The following PTPRN2 variants were observed in gnomAD, a reference collection of about 807,000 sequenced individuals.
PTPRN2 encodes protein tyrosine phosphatase receptor type N2, also known as receptor-type tyrosine-protein phosphatase N2.
PTPRN2 carries 74 observed loss-of-function variants against 118.8 expected under a neutral mutation model. That is an observed-to-expected ratio of 0.62 (90% CI 0.52 to 0.76). PTPRN2 has a LOEUF of 0.76. Among genes scored for constraint, PTPRN2 ranks in the 30% least tolerant of loss-of-function variants. The pLI, the probability that PTPRN2 is intolerant of heterozygous loss-of-function variation, is 0.00. For missense variants in PTPRN2, 1,481 were observed against 1,394.4 expected, an observed-to-expected ratio of 1.06 and a Z score of -0.99; for synonymous variants, 641 against 608.0, an observed-to-expected ratio of 1.05 and a Z score of -0.80.
chr7:158,449,338 A>G (rs938494801), intron 2 of PTPRN2, among the ~76,000 whole-genome samples: 1 of 152,226 alleles, frequency 6.6e-6, no homozygotes, highest in Non-Finnish European at 1.5e-5. Flanking sequence ...GTCGGCCCAC[A>G]GGGCCCTCCC....
intron 8 of PTPRN2, among the ~76,000 whole-genome samples, chr7:158,135,546 C>T (rs1337990644): frequency 6.6e-6 from 1 of 152,126 alleles, no homozygotes; most frequent in Non-Finnish European, 1.5e-5. Flanking sequence ...CAACAGAGAA[C>T]TGAGTCAGAA....
chr7:157,838,251 G>A (rs111487302), intron 12 of PTPRN2, among the ~76,000 whole-genome samples: 1,456 of 142,098 alleles, frequency 0.01, 55 homozygotes, highest in South Asian at 0.058. Flanking sequence ...TGGATGGCAC[G>A]GGAGAAAGCT....
At chr7:158,382,607 C>T (rs1244618096) in intron 2 of PTPRN2, among the ~76,000 whole-genome samples, 2 of 152,170 alleles carry the variant, frequency 1.3e-5, no homozygotes, top group African/African-American at 4.8e-5. Flanking sequence ...GCATTCCCGC[C>T]TGAGTTCTGC....
At chr7:158,083,367 A>T (rs962142996) in intron 10 of PTPRN2, among the ~76,000 whole-genome samples, 1 of 152,204 alleles carries the variant, frequency 6.6e-6, no homozygotes, top group Non-Finnish European at 1.5e-5. Flanking sequence ...AACAACGCTG[A>T]GGACAGAGAG....
At chr7:158,394,984 C>T (rs748892225) in intron 2 of PTPRN2, among the ~76,000 whole-genome samples, 3 of 152,230 alleles carry the variant, frequency 2.0e-5, no homozygotes, top group Non-Finnish European at 4.4e-5. Context: ...GGAGGCCCTG[C>T]CCGTCCACAC....
At chr7:157,715,465 C>T (rs900292872) in intron 12 of PTPRN2, among the ~76,000 whole-genome samples, 7 of 152,188 alleles carry the variant, frequency 4.6e-5, no homozygotes, top group Admixed American at 6.5e-5. Context: ...GGGAGGCCCC[C>T]GGTTCTGCTT....
At chr7:157,884,141 G>C (rs1322864828) in intron 12 of PTPRN2, among the ~76,000 whole-genome samples, 3 of 151,618 alleles carry the variant, frequency 2.0e-5, no homozygotes, top group Non-Finnish European at 4.4e-5. Context: ...ATGACTGTCA[G>C]AGAACAGAAC....
At position 157,671,864 on chromosome 7, in the gene PTPRN2, T is replaced by C. The variant is rs1158565102; in HGVS notation, c.2001+10861A>G. Among the ~76,000 whole-genome samples, 1 of 152,114 alleles carries C rather than the reference T, an allele frequency of 6.6e-6. No homozygotes were observed. The highest frequency in any genetic ancestry group is 1.5e-5 in the Non-Finnish European group (1 of 68,016). On this transcript the variant is annotated intron_variant, in intron 13 of 22. Transcript: ENST00000389418. The surrounding 1 kb of genome is among the most constrained non-coding windows in gnomAD (Gnocchi z 4.1). Reference sequence around the variant, plus strand: ...TGGGGGCCTGCTGGGAATCCCGGTCTCAGAGGTCTCAGCTCTGACCGAAGG... The same window carrying C: ...TGGGGGCCTGCTGGGAATCCCGGTCCCAGAGGTCTCAGCTCTGACCGAAGG...
At chr7:157,616,041 G>T (rs2008341) in intron 15 of PTPRN2, 99,230 of 180,780 alleles carry the variant, frequency 0.55, 27,748 homozygotes, top group African/African-American at 0.61. Flanking sequence ...CGGGAAACAG[G>T]GCGCCCAGGA....
At chr7:157,714,314 A>G (rs1437478791) in intron 12 of PTPRN2, among the ~76,000 whole-genome samples, 2 of 152,202 alleles carry the variant, frequency 1.3e-5, no homozygotes, top group Non-Finnish European at 2.9e-5. Context: ...CGCATCTTTG[A>G]TGAGTTACTA....
At chr7:157,882,361 T>A (rs1234686764) in intron 12 of PTPRN2, among the ~76,000 whole-genome samples, 1 of 134,586 alleles carries the variant, frequency 7.4e-6, no homozygotes, top group Non-Finnish European at 1.6e-5. Context: ...GAACAGAACA[T>A]GCCATCCCAA....
In PTPRN2 at chr7:157,978,596, CACAA is replaced by C. The variant is rs547521808; in HGVS notation, c.1724-79863_1724-79860del. On this transcript the variant is annotated intron_variant, in intron 11 of 22. Transcript: ENST00000389418. The stretch of plus-strand genomic sequence containing the variant: ...GCATCTTTAACAAACCCTTCAAAGT[CACAA>C]ACACTCATGAAAGCAGAAGCCAGAA... Among the ~76,000 whole-genome samples the C allele has an allele frequency of 1.4e-3, 220 of 152,004 alleles. 1 individual carries two copies. The highest frequency in any genetic ancestry group is 5.1e-3 in the African/African-American group (213 of 41,520).
At chr7:158,200,441 A>G (rs184942348) in intron 4 of PTPRN2, among the ~76,000 whole-genome samples, 352 of 152,326 alleles carry the variant, frequency 2.3e-3, no homozygotes, top group African/African-American at 8.0e-3. Flanking sequence ...ATCAACCCCC[A>G]AAGAAAACTC....
chr7:157,731,876 G>GT (rs1799950991), intron 12 of PTPRN2, among the ~76,000 whole-genome samples: 1 of 22,170 alleles, frequency 4.5e-5, no homozygotes, highest in African/African-American at 1.7e-4. Flanking sequence ...ACTCTTTTCC[G>GT]CCCCATGCGC....
In PTPRN2 at chr7:157,732,127, T is replaced by C. The variant is rs376646213; in HGVS notation, c.1789-49190A>G. The stretch of plus-strand genomic sequence containing the variant: ...CACGCGCCCAGCACAGTTACTCTTT[T>C]CCGCCCCATGCGCCCAGCACAGTTA... On this transcript the variant is annotated intron_variant, in intron 12 of 22. Transcript: ENST00000389418. Among the ~76,000 whole-genome samples, 164 of 47,234 alleles carry C rather than the reference T, an allele frequency of 3.5e-3. 1 individual carries two copies. The highest frequency in any genetic ancestry group is 5.2e-3 in the East Asian group (6 of 1,146). 31.0% of individuals were successfully genotyped at this position (47,234 alleles called of 152,430 possible). A position where few individuals can be genotyped will look rare whatever the true frequency, so the allele number is the denominator to read the frequency against.
At chr7:158,102,943 C>A (rs1032679706) in intron 10 of PTPRN2, among the ~76,000 whole-genome samples, 2 of 152,180 alleles carry the variant, frequency 1.3e-5, no homozygotes, top group African/African-American at 4.8e-5. Flanking sequence ...TCAGCGGCAT[C>A]AGAGCTGAGT....
intron 11 of PTPRN2, among the ~76,000 whole-genome samples, chr7:158,080,096 G>A (rs1192869071): frequency 7.2e-5 from 11 of 151,838 alleles, no homozygotes; most frequent in East Asian, 3.9e-4. Context: ...AGCAAAACCC[G>A]CAGCAGCCAA....
intron 12 of PTPRN2, among the ~76,000 whole-genome samples, chr7:157,736,086 G>A (rs555370021): frequency 6.6e-6 from 1 of 152,332 alleles, no homozygotes; most frequent in East Asian, 1.9e-4. Flanking sequence ...GGCGAGGCCG[G>A]CACCCGCTGC....
intron 12 of PTPRN2, among the ~76,000 whole-genome samples, chr7:157,720,272 C>T (rs747253671): frequency 5.3e-5 from 8 of 152,054 alleles, no homozygotes; most frequent in African/African-American, 1.4e-4. Flanking sequence ...TAGCTACCCT[C>T]GCCCCATCAT....
Sources: allele counts gnomAD v4.1 joint callset (sites outside exome capture counted in the v4.1 genomes callset), GRCh38; gene constraint gnomAD v4.1.1; non-coding constraint Gnocchi (gnomAD v3.1); transcripts MANE v1.5; gene names NCBI Gene and HGNC (gene_info 2026-07-23, HGNC 2026-07-21).